Variants in WDR41 observed in about 807,000 individuals in gnomAD.
WDR41 encodes WD repeat-containing protein 41.
Under a neutral mutation model 69.3 loss-of-function variants are expected in WDR41, and 63 were observed. That is an observed-to-expected ratio of 0.91 (90% CI 0.74 to 1.12). The LOEUF (loss-of-function observed/expected upper bound fraction) is 1.12. Ranked by LOEUF, WDR41 falls within the 50% of genes most tolerant of loss-of-function variation. WDR41 has a pLI of 0.00. For missense variants in WDR41, 543 were observed against 534.5 expected, an observed-to-expected ratio of 1.02 and a Z score of -0.16; for synonymous variants, 185 against 192.1, an observed-to-expected ratio of 0.96 and a Z score of 0.31.
intron 12 of WDR41, among the ~76,000 whole-genome samples, chr5:77,435,027 C>T (rs1176161891): frequency 6.6e-6 from 1 of 152,200 alleles, no homozygotes; most frequent in Non-Finnish European, 1.5e-5. Flanking sequence ...TTATCCCCTA[C>T]TAGTGTCTGT....
At chr5:77,523,466 T>G (rs115095099) in intron 1 of WDR41, among the ~76,000 whole-genome samples, 46 of 152,248 alleles carry the variant, frequency 3.0e-4, no homozygotes, top group African/African-American at 1.1e-3. Context: ...GGGAGAGAGT[T>G]TACGTGCTTT....
chr5:77,600,924 T>C (rs972299671), intron 1 of WDR41, among the ~76,000 whole-genome samples: 1 of 131,952 alleles, frequency 7.6e-6, no homozygotes, highest in Non-Finnish European at 1.6e-5. Context: ...TCTAACTCTG[T>C]GTGTATGTGT....
Position 77,436,305 on chromosome 5 carries a change from G to C in WDR41, c.1183C>G (p.Leu395Val), listed in dbSNP as rs181961877. The C allele has an allele frequency of 1.9e-5, 30 of 1,614,120 alleles. No homozygotes were observed. In the African/African-American group the frequency reaches 3.7e-4, roughly 20 times the overall value. ...KQQENATSCS[L>V]ELIGDLIGHS... ...CCAATCAAATCTCCAATAAGCTCCA[G>C]TGAACATGAAGTAGCATTTTCTTGC... The change falls in exon 12 of 13, where the codon CTG becomes GTG. Residue 395 changes from leucine to valine, a missense_variant. Leu to Val is a conservative substitution (Grantham distance 32). Coordinates refer to ENST00000296679, the MANE Select transcript of WDR41 (RefSeq NM_018268.4).
intron 1 of WDR41, among the ~76,000 whole-genome samples, chr5:77,559,432 A>G (rs1743478724): frequency 6.6e-6 from 1 of 152,132 alleles, no homozygotes; most frequent in Admixed American, 6.5e-5. Flanking sequence ...GTTTAACAAC[A>G]GGCTGGCAAA....
At chr5:77,512,369 T>C (rs867974858) in intron 1 of WDR41, among the ~76,000 whole-genome samples, 1 of 121,572 alleles carries the variant, frequency 8.2e-6, no homozygotes, top group Non-Finnish European at 1.7e-5. Context: ...TGTGTGTGTG[T>C]GTGTGTGTGT....
At chr5:77,502,162 A>C (rs1170495146) in intron 1 of WDR41, among the ~76,000 whole-genome samples, 1 of 152,246 alleles carries the variant, frequency 6.6e-6, no homozygotes, top group East Asian at 1.9e-4. Flanking sequence ...TAAACAGTAT[A>C]GAGAAGATCT....
chr5:77,448,509 A>G (rs1799475853), intron 8 of WDR41, among the ~76,000 whole-genome samples: 1 of 152,140 alleles, frequency 6.6e-6, no homozygotes, highest in Admixed American at 6.5e-5. Flanking sequence ...ACACAAATGG[A>G]GACTAGACTT....
intron 4 of WDR41, among the ~76,000 whole-genome samples, chr5:77,462,786 G>T (rs975805411): frequency 2.0e-5 from 3 of 152,066 alleles, no homozygotes; most frequent in African/African-American, 7.3e-5. Context: ...AGCAAACTGA[G>T]ATAGTAAAAT....
At chr5:77,526,305 T>C (rs1802446000) in intron 1 of WDR41, among the ~76,000 whole-genome samples, 1 of 151,872 alleles carries the variant, frequency 6.6e-6, no homozygotes, top group Non-Finnish European at 1.5e-5. Context: ...CTCTAAAAAA[T>C]AAGGACTTTT....
chr5:77,530,466 T>C (rs1401616382), intron 1 of WDR41, among the ~76,000 whole-genome samples: 1 of 151,626 alleles, frequency 6.6e-6, no homozygotes, highest in Non-Finnish European at 1.5e-5. Context: ...ATCAACAGTA[T>C]GGATGAACTA....
At position 77,463,223 on chromosome 5, in the gene WDR41, CT is replaced by C; in HGVS notation, c.219del (p.Glu75LysfsTer4). 1 of 1,605,266 alleles carries C rather than the reference CT, an allele frequency of 6.2e-7. No individual in the cohort carries two copies. Among genetic ancestry groups the C allele is most frequent in the South Asian group, 1.1e-5 (1 of 89,490 alleles). ...DGIVVVWNAQ[T>X]GEKLLELNGH... ...CCATTCAGTTCTAAAAGTTTTTCCC[CT>C]GTCTGAAATACCAATAAAAATGTTA... On this transcript the variant is annotated frameshift_variant and splice_region_variant, in exon 4 of 13. Coordinates refer to ENST00000296679, the MANE Select transcript of WDR41 (RefSeq NM_018268.4). LOFTEE classifies it high-confidence loss of function.
intron 2 of WDR41, among the ~76,000 whole-genome samples, chr5:77,475,726 C>G (rs1211796672): frequency 6.6e-6 from 1 of 152,142 alleles, no homozygotes; most frequent in Non-Finnish European, 1.5e-5. Context: ...GGGGAAAAAA[C>G]AGAGCAGAAA....
chr5:77,487,358 G>C (rs1425322190), intron 2 of WDR41, among the ~76,000 whole-genome samples: 1 of 152,126 alleles, frequency 6.6e-6, no homozygotes, highest in Non-Finnish European at 1.5e-5. Context: ...GAAATAATTA[G>C]TTCCCCACAA....
At chr5:77,433,689 C>T (rs1798818923) in intron 12 of WDR41, among the ~76,000 whole-genome samples, 1 of 152,122 alleles carries the variant, frequency 6.6e-6, no homozygotes. Context: ...ATACTCAATC[C>T]ATAGGTGTTA....
At chr5:77,517,278 C>G (rs905702694) in intron 1 of WDR41, among the ~76,000 whole-genome samples, 2 of 152,080 alleles carry the variant, frequency 1.3e-5, no homozygotes, top group East Asian at 3.9e-4. Context: ...GTTCAAATAA[C>G]CTACAGATAT....
chr5:77,481,154 C>T (rs1178211765), intron 2 of WDR41, among the ~76,000 whole-genome samples: 1 of 152,032 alleles, frequency 6.6e-6, no homozygotes, highest in Non-Finnish European at 1.5e-5. Context: ...GGATTACAGG[C>T]ACCCACGACC....
intron 4 of WDR41, among the ~76,000 whole-genome samples, chr5:77,461,309 A>G (rs1485688290): frequency 2.6e-5 from 4 of 152,148 alleles, no homozygotes; most frequent in South Asian, 4.1e-4. Flanking sequence ...GTGTATGTAT[A>G]TATGTATGTA....
intron 1 of WDR41, among the ~76,000 whole-genome samples, chr5:77,512,957 A>C (rs763054064): frequency 6.6e-6 from 1 of 152,154 alleles, no homozygotes; most frequent in Non-Finnish European, 1.5e-5. Flanking sequence ...CTTAATTAGC[A>C]ATGGAAATTT....
chr5:77,508,669 G>A (rs6867450), intron 1 of WDR41, among the ~76,000 whole-genome samples: 83,093 of 151,986 alleles, frequency 0.55, 24,161 homozygotes, highest in African/African-American at 0.73. Context: ...GCTATTGAAA[G>A]CTGAACATTT....
Sources: allele counts gnomAD v4.1 joint callset (sites outside exome capture counted in the v4.1 genomes callset), GRCh38; gene constraint gnomAD v4.1.1; transcripts MANE v1.5; gene names NCBI Gene and HGNC (gene_info 2026-07-23, HGNC 2026-07-21).